Variants in MGAT4C observed in about 807,000 individuals in gnomAD.
The protein encoded by MGAT4C is alpha-1,3-mannosyl-glycoprotein 4-beta-N-acetylglucosaminyltransferase C.
Under a neutral mutation model 40.1 loss-of-function variants are expected in MGAT4C, and 19 were observed. The ratio of observed to expected loss-of-function variants is 0.47; its 90% CI spans 0.33 to 0.70. The LOEUF (loss-of-function observed/expected upper bound fraction) is 0.70, where lower values mean the gene tolerates loss of function less well. Among genes scored for constraint, MGAT4C ranks in the 30% least tolerant of loss-of-function variants. The probability of loss-of-function intolerance (pLI) is 0.02; values close to 1 mark genes in which losing one functional copy is unlikely to be tolerated. For missense variants in MGAT4C, 491 were observed against 563.2 expected (o/e 0.87, Z 1.30); for synonymous variants, 181 against 187.1 (o/e 0.97, Z 0.27).
intron 1 of MGAT4C, among the ~76,000 whole-genome samples, chr12:86,061,274 C>T (rs1893935465): frequency 1.3e-5 from 2 of 152,110 alleles, no homozygotes; most frequent in Admixed American, 6.5e-5. Flanking sequence ...ATTCTCTCTC[C>T]TACCCAAGGG....
At chr12:86,251,910 A>G (rs565594869) in intron 1 of MGAT4C, among the ~76,000 whole-genome samples, 79 of 152,190 alleles carry the variant, frequency 5.2e-4, no homozygotes, top group African/African-American at 1.8e-3. Flanking sequence ...TAGCATTAAA[A>G]AGTACTGTTG....
At chr12:86,074,119 T>C (rs1384729960) in intron 1 of MGAT4C, among the ~76,000 whole-genome samples, 1 of 151,846 alleles carries the variant, frequency 6.6e-6, no homozygotes, top group Non-Finnish European at 1.5e-5. Flanking sequence ...TTATCAGGGG[T>C]TTCCGCTTTC....
rs11117187 is a variant in MGAT4C, at chr12:86,084,657, T to A, written c.-56-34934A>T. Among the ~76,000 whole-genome samples the A allele has an allele frequency of 9.6e-4, 145 of 151,832 alleles. 1 individual carries two copies. Among genetic ancestry groups the A allele is most frequent in the Middle Eastern group, 3.4e-3 (1 of 292 alleles). On this transcript the variant is annotated intron_variant, in intron 1 of 4. Coordinates refer to ENST00000611864, the MANE Select transcript of MGAT4C (RefSeq NM_001351288.2). ...CTTTGCTAGTTGCAAAGCTGTATTA[T>A]CAGAGTAAAAGTGTATTTGTATACT...
At chr12:86,625,684 C>G (rs903059406) in intron 2 of MGAT4C, among the ~76,000 whole-genome samples, 4 of 152,010 alleles carry the variant, frequency 2.6e-5, no homozygotes, top group African/African-American at 9.7e-5. Flanking sequence ...AAGAATTACT[C>G]TAAGTTGACT....
chr12:86,335,885 G>C (rs879842339), intron 3 of MGAT4C, among the ~76,000 whole-genome samples: 1 of 151,930 alleles, frequency 6.6e-6, no homozygotes, highest in Middle Eastern at 3.2e-3. Context: ...CCCGCTTTAA[G>C]GTCCATATAT....
At chr12:86,811,609 T>G (rs1952475963) in intron 1 of MGAT4C, among the ~76,000 whole-genome samples, 2 of 151,382 alleles carry the variant, frequency 1.3e-5, no homozygotes, top group Non-Finnish European at 3.0e-5. Flanking sequence ...CCCAAAGTGC[T>G]GAGATTACAG....
chr12:86,651,687 T>A (rs931134296), intron 2 of MGAT4C, among the ~76,000 whole-genome samples: 1 of 151,834 alleles, frequency 6.6e-6, no homozygotes, highest in Non-Finnish European at 1.5e-5. Context: ...CTTCCAACAA[T>A]TGTATTTTCT....
chr12:86,467,217 C>A (rs1442203875), intron 2 of MGAT4C, among the ~76,000 whole-genome samples: 2 of 152,056 alleles, frequency 1.3e-5, no homozygotes, highest in Non-Finnish European at 2.9e-5. Flanking sequence ...AGAAAAGAAC[C>A]TTATTCTTTC....
At chr12:86,766,834 C>A (rs932446803) in intron 1 of MGAT4C, among the ~76,000 whole-genome samples, 28 of 151,700 alleles carry the variant, frequency 1.8e-4, no homozygotes, top group African/African-American at 6.3e-4. Context: ...AACAAAGACA[C>A]AACATACCAG....
intron 3 of MGAT4C, among the ~76,000 whole-genome samples, chr12:86,388,376 T>C (rs1012318041): frequency 9.3e-5 from 14 of 150,196 alleles, no homozygotes; most frequent in African/African-American, 3.2e-4. Flanking sequence ...AATATTTTAT[T>C]TTGTACAATT....
At chr12:86,440,599 T>G (rs1222168683) in intron 2 of MGAT4C, among the ~76,000 whole-genome samples, 1 of 152,016 alleles carries the variant, frequency 6.6e-6, no homozygotes, top group Non-Finnish European at 1.5e-5. Context: ...ATCACTTCTA[T>G]TCAACATAGC....
At chr12:86,746,962 C>A (rs1951162841) in intron 1 of MGAT4C, among the ~76,000 whole-genome samples, 1 of 151,624 alleles carries the variant, frequency 6.6e-6, no homozygotes, top group Non-Finnish European at 1.5e-5. Context: ...GAATTGCGTT[C>A]TTGGTTTCCA....
At chr12:86,191,829 G>T (rs1239742121) in intron 1 of MGAT4C, among the ~76,000 whole-genome samples, 1 of 141,064 alleles carries the variant, frequency 7.1e-6, no homozygotes, top group Admixed American at 7.1e-5. Flanking sequence ...CAATAGCAAT[G>T]ACTTGGAACC....
At chr12:86,251,522 G>A (rs1444107933) in intron 1 of MGAT4C, among the ~76,000 whole-genome samples, 2 of 152,022 alleles carry the variant, frequency 1.3e-5, no homozygotes, top group Non-Finnish European at 2.9e-5. Context: ...CTGAGAAAAA[G>A]TGTTTTCTAG....
At chr12:86,161,588 C>T (rs1252273665) in intron 1 of MGAT4C, among the ~76,000 whole-genome samples, 1 of 152,036 alleles carries the variant, frequency 6.6e-6, no homozygotes, top group Admixed American at 6.6e-5. Context: ...CTTCTTGACA[C>T]TGGCCTTGGT....
At chr12:85,989,672 C>A in intron 2 of MGAT4C, 120 bp from the exon 3 acceptor site, 1 of 929,776 alleles carries the variant, frequency 1.1e-6, no homozygotes, top group Non-Finnish European at 1.6e-6. Context: ...AATTAAAATT[C>A]TGTTCCCAAT....
At chr12:86,815,538 T>TAC (rs937594019) in intron 1 of MGAT4C, among the ~76,000 whole-genome samples, 6 of 147,404 alleles carry the variant, frequency 4.1e-5, no homozygotes, top group Admixed American at 2.7e-4. Flanking sequence ...AAAAAAAAAA[T>TAC]ACATGTACAC....
At chr12:86,814,293 TACATATAC>T (rs1295228780) in intron 1 of MGAT4C, among the ~76,000 whole-genome samples, 1 of 10,620 alleles carries the variant, frequency 9.4e-5, no homozygotes, top group Non-Finnish European at 1.8e-4. Context: ...TACATATATA[TACATATAC>T]GTATATATAT....
chr12:86,046,893 G>T lies in MGAT4C; in HGVS notation c.-7+2781C>A, dbSNP rs374053486. Reference sequence around the variant, plus strand: ...TGAATCATACACGAAAGAAATTAGCGAAAATACAAAGCACTGCTAAACTTC... The same window carrying T: ...TGAATCATACACGAAAGAAATTAGCTAAAATACAAAGCACTGCTAAACTTC... On this transcript the variant is annotated intron_variant, in intron 2 of 4. Coordinates refer to ENST00000611864, the MANE Select transcript of MGAT4C (RefSeq NM_001351288.2). Among the ~76,000 whole-genome samples the T allele has an allele frequency of 2.0e-5, 3 of 152,116 alleles. No homozygotes were observed. In the East Asian group the frequency reaches 5.8e-4, roughly 29 times the overall value.
Sources: gnomAD v4.1 joint callset for allele counts (sites outside exome capture counted in the v4.1 genomes callset) on GRCh38, gnomAD v4.1.1 for gene constraint, MANE v1.5 for transcripts, NCBI Gene and HGNC (gene_info 2026-07-23, HGNC 2026-07-21) for gene names.